The following DSCAM variants were observed in gnomAD, a reference collection of about 807,000 sequenced individuals.
DSCAM encodes the protein cell adhesion molecule DSCAM.
In DSCAM, 47 loss-of-function variants were observed where a neutral mutation model predicts 217.7. The observed-to-expected ratio is 0.22, with a 90% CI of 0.17 to 0.28. DSCAM has a LOEUF of 0.28. Ranked by LOEUF, DSCAM falls within the 10% of genes least tolerant of loss-of-function variation. The pLI, the probability that DSCAM is intolerant of heterozygous loss-of-function variation, is 1.00. For missense variants in DSCAM, 2,080 were observed against 2,618.3 expected, an observed-to-expected ratio of 0.79 and a Z score of 4.49; for synonymous variants, 1,056 against 1,015.3, an observed-to-expected ratio of 1.04 and a Z score of -0.76.
chr21:40,440,151 C>T (rs2075618221), intron 3 of DSCAM, among the ~76,000 whole-genome samples: 1 of 152,236 alleles, frequency 6.6e-6, no homozygotes, highest in African/African-American at 2.4e-5. Context: ...TTTGGGTGAT[C>T]AGCATCCATG....
At chr21:40,486,145 G>A (rs2145998856) in intron 3 of DSCAM, among the ~76,000 whole-genome samples, 1 of 152,304 alleles carries the variant, frequency 6.6e-6, no homozygotes, top group Admixed American at 6.5e-5. Flanking sequence ...CCAACTATAA[G>A]GAGAGACCCC....
intron 30 of DSCAM, among the ~76,000 whole-genome samples, chr21:40,048,307 A>T (rs1372482927): frequency 6.6e-6 from 1 of 151,942 alleles, no homozygotes; most frequent in African/African-American, 2.4e-5. Flanking sequence ...TTCTGATCTC[A>T]GAACTTGATG....
intron 3 of DSCAM, among the ~76,000 whole-genome samples, chr21:40,544,050 C>T (rs1312433210): frequency 3.3e-5 from 5 of 151,956 alleles, no homozygotes; most frequent in Non-Finnish European, 7.4e-5. Context: ...TTGGGTTTAA[C>T]CAAGAGGATA....
In DSCAM at chr21:40,016,105, G is replaced by A. The variant is rs898826665; in HGVS notation, c.5687-2719C>T. On this transcript the variant is annotated intron_variant, in intron 32 of 32. Transcript: ENST00000400454. This position sits in a 1 kb window ranked among gnomAD's most constrained non-coding sequence, Gnocchi z 4.3. ...TCTGTCTAGAGAATGGGCTGGTGGT[G>A]TGTGGTCCTGGAGCGAGGGCCCAGG... is the stretch of plus-strand genomic sequence containing the variant. 2.6e-5 allele frequency among the ~76,000 whole-genome samples: 4 copies of A among 152,222 alleles called. No homozygotes were observed. The highest frequency in any genetic ancestry group is 4.4e-5 in the Non-Finnish European group (3 of 68,044).
chr21:40,666,435 T>C (rs896993472), intron 3 of DSCAM, among the ~76,000 whole-genome samples: 3 of 152,128 alleles, frequency 2.0e-5, no homozygotes, highest in African/African-American at 7.2e-5. Flanking sequence ...AGAGCTTGGG[T>C]TCCAGGTGGT....
At chr21:40,101,787 G>C (rs565862499) in intron 20 of DSCAM, among the ~76,000 whole-genome samples, 3 of 148,842 alleles carry the variant, frequency 2.0e-5, no homozygotes, top group Non-Finnish European at 3.0e-5. Flanking sequence ...GGGAGGTGGT[G>C]GGGGGGGGTC....
chr21:40,214,735 C>CAAAAAAAAAAAAAAAAACA (rs2091224904), intron 11 of DSCAM, among the ~76,000 whole-genome samples: 1 of 67,844 alleles, frequency 1.5e-5, no homozygotes, highest in Admixed American at 1.5e-4. Context: ...GCAACAACAG[C>CAAAAAAAAAAAAAAAAACA]AAAAAAAAAA....
At chr21:40,601,894 A>G (rs2077064721) in intron 3 of DSCAM, among the ~76,000 whole-genome samples, 1 of 152,016 alleles carries the variant, frequency 6.6e-6, no homozygotes, top group South Asian at 2.1e-4. Context: ...CTTTTTATAC[A>G]TTGTTGGATT....
At chr21:40,700,130 T>G (rs2090639581) in intron 2 of DSCAM, among the ~76,000 whole-genome samples, 1 of 152,196 alleles carries the variant, frequency 6.6e-6, no homozygotes, top group Admixed American at 6.5e-5. Context: ...TTATGACAAA[T>G]CTACTTTGCC....
chr21:40,432,928 T>C (rs1008739268), intron 3 of DSCAM, among the ~76,000 whole-genome samples: 10 of 152,136 alleles, frequency 6.6e-5, no homozygotes, highest in African/African-American at 2.4e-4. Flanking sequence ...GGTTGACCCA[T>C]CGCTTCTCGT....
chr21:40,356,903 C>T (rs988724456), intron 4 of DSCAM, among the ~76,000 whole-genome samples: 4 of 152,186 alleles, frequency 2.6e-5, no homozygotes, highest in African/African-American at 7.2e-5. Context: ...AGAACAAAAA[C>T]ATTTAGCTGA....
intron 9 of DSCAM, among the ~76,000 whole-genome samples, chr21:40,308,964 A>G (rs1397156288): frequency 2.0e-5 from 3 of 152,184 alleles, no homozygotes; most frequent in African/African-American, 7.2e-5. Flanking sequence ...CACTGGTACA[A>G]AGAATTCTGG....
chr21:40,184,338 G>A (rs1400925194), intron 14 of DSCAM, among the ~76,000 whole-genome samples: 2 of 152,172 alleles, frequency 1.3e-5, no homozygotes, highest in Non-Finnish European at 2.9e-5. Flanking sequence ...TCTCAGCACA[G>A]CTCCTTCCTC....
intron 20 of DSCAM, among the ~76,000 whole-genome samples, chr21:40,094,524 T>C (rs1396592431): frequency 2.0e-5 from 3 of 152,070 alleles, no homozygotes; most frequent in African/African-American, 7.2e-5. Flanking sequence ...GCTGAGCAGA[T>C]CCATGGATGC....
intron 20 of DSCAM, among the ~76,000 whole-genome samples, chr21:40,104,341 T>C (rs1371253685): frequency 5.3e-5 from 8 of 152,134 alleles, no homozygotes; most frequent in Admixed American, 4.6e-4. Flanking sequence ...ATTTACAAAA[T>C]TGAAAAAAAT....
intron 3 of DSCAM, among the ~76,000 whole-genome samples, chr21:40,563,178 CA>C (rs1443536150): frequency 2.0e-5 from 3 of 151,874 alleles, no homozygotes; most frequent in African/African-American, 7.3e-5. Context: ...ACAGGTCAAC[CA>C]ACTGTCTTGG....
chr21:40,113,117 A>G (rs776735337), intron 20 of DSCAM, among the ~76,000 whole-genome samples: 17 of 152,194 alleles, frequency 1.1e-4, no homozygotes, highest in Non-Finnish European at 2.4e-4. Context: ...CAACAAAAAA[A>G]GGGAATTTTA....
chr21:40,287,122 GTCTGCAGCATGA>G (rs1197175036), intron 10 of DSCAM, among the ~76,000 whole-genome samples: 12 of 151,292 alleles, frequency 7.9e-5, no homozygotes, highest in African/African-American at 1.9e-4. Context: ...TCTCAAGGTG[GTCTGCAGCATGA>G]TCTGCAGCAT....
intron 1 of DSCAM, among the ~76,000 whole-genome samples, chr21:40,734,105 G>A (rs1001936543): frequency 1.2e-4 from 19 of 152,134 alleles, no homozygotes; most frequent in African/African-American, 4.6e-4. Flanking sequence ...AGTAAGCCCT[G>A]TGAGGATTAA....
Sources: gnomAD v4.1 joint callset for allele counts (sites outside exome capture counted in the v4.1 genomes callset) on GRCh38, gnomAD v4.1.1 for gene constraint, Gnocchi (gnomAD v3.1) non-coding constraint, MANE v1.5 for transcripts, NCBI Gene and HGNC (gene_info 2026-07-23, HGNC 2026-07-21) for gene names.